NHLRC2: variants seen among roughly 807,000 people sequenced by gnomAD.
The protein encoded by NHLRC2 is NHL repeat containing 2.
NHLRC2 carries 33 observed loss-of-function variants against 68.1 expected under a neutral mutation model. That is an observed-to-expected ratio of 0.48 (90% CI 0.37 to 0.65). The LOEUF (loss-of-function observed/expected upper bound fraction) is 0.65. Among genes scored for constraint, NHLRC2 ranks in the 30% least tolerant of loss-of-function variants. NHLRC2 has a pLI of 0.00. For missense variants in NHLRC2, 761 were observed against 853.8 expected (o/e 0.89, Z 1.35); for synonymous variants, 311 against 309.6 (o/e 1.00, Z -0.05).
chr10:113,897,307 G>A (rs1173010058), intron 5 of NHLRC2, among the ~76,000 whole-genome samples: 2 of 152,086 alleles, frequency 1.3e-5, no homozygotes, highest in Non-Finnish European at 2.9e-5. Flanking sequence ...TGATCTGTTG[G>A]TAATACATGC....
Position 113,854,855 on chromosome 10 carries a change from C to T in NHLRC2, c.-18C>T. On this transcript the variant is annotated 5_prime_UTR_variant, in exon 1 of 11. Transcript: ENST00000369301. Reference sequence around the variant, plus strand: ...TCTCCCGCGGGCCCGGCGGCCGCATCGGGAGCCCGGCGGAAACATGGCGGC... The same window carrying T: ...TCTCCCGCGGGCCCGGCGGCCGCATTGGGAGCCCGGCGGAAACATGGCGGC... 1.3e-6 allele frequency: 2 copies of T among 1,536,198 alleles called. No homozygotes were observed. Among genetic ancestry groups the T allele is most frequent in the Non-Finnish European group, 8.8e-7 (1 of 1,141,362 alleles).
At position 113,892,746 on chromosome 10, in the gene NHLRC2, C is replaced by T. The variant is rs180714596; in HGVS notation, c.1040-5364C>T. 5.9e-5 allele frequency among the ~76,000 whole-genome samples: 9 copies of T among 151,932 alleles called. No homozygotes were observed. The South Asian group carries it at 1.3e-3, about 21-fold the overall frequency. On this transcript the variant is annotated intron_variant, in intron 5 of 10. Coordinates refer to ENST00000369301, the MANE Select transcript of NHLRC2 (RefSeq NM_198514.4). ...AGTGGTCTAGCACGGTGGCTGTGAG[C>T]AAGGACTCTGGAGCCAGACCAGCTA... is the stretch of plus-strand genomic sequence containing the variant.
At chr10:113,881,798 G>A (rs1408912633) in intron 4 of NHLRC2, among the ~76,000 whole-genome samples, 3 of 151,582 alleles carry the variant, frequency 2.0e-5, no homozygotes, top group Non-Finnish European at 3.0e-5. Context: ...GTAACCATAC[G>A]TTGTTTTTAA....
chr10:113,879,970 T>C (rs1396159789), intron 4 of NHLRC2, among the ~76,000 whole-genome samples: 1 of 152,090 alleles, frequency 6.6e-6, no homozygotes, highest in Admixed American at 6.6e-5. Context: ...CATTTTGAAG[T>C]ATCTTCCTAA....
At chr10:113,873,998 T>A (rs1005382151) in intron 2 of NHLRC2, among the ~76,000 whole-genome samples, 5 of 152,352 alleles carry the variant, frequency 3.3e-5, no homozygotes, top group African/African-American at 9.6e-5. Context: ...AGCCCATTGG[T>A]ACTTATTCAT....
intron 5 of NHLRC2, among the ~76,000 whole-genome samples, chr10:113,885,879 C>G (rs1846077992): frequency 1.3e-5 from 2 of 151,724 alleles, no homozygotes; most frequent in Non-Finnish European, 3.0e-5. Flanking sequence ...ACTAGTGGTT[C>G]CTTATGGGAA....
rs1219786756 is a variant in NHLRC2, at chr10:113,879,067, G to A, written c.788-507G>A. On this transcript the variant is annotated intron_variant, in intron 3 of 10. Coordinates refer to ENST00000369301, the MANE Select transcript of NHLRC2 (RefSeq NM_198514.4). The stretch of plus-strand genomic sequence containing the variant: ...TCTCTTACAGTGTGTATGATATATC[G>A]CAGGACTTTCTGACAAAGTGAAATA... 3.9e-5 allele frequency among the ~76,000 whole-genome samples: 6 copies of A among 152,116 alleles called. No individual in the cohort carries two copies. The East Asian group carries it at 9.6e-4, about 24-fold the overall frequency.
chr10:113,901,171 CA>C (rs1846224872), intron 6 of NHLRC2, among the ~76,000 whole-genome samples: 1 of 152,058 alleles, frequency 6.6e-6, no homozygotes, highest in African/African-American at 2.4e-5. Context: ...GGCCAACTTT[CA>C]AAAACTATTC....
rs1311718315 is a variant in NHLRC2 at position 113,915,389 on chromosome 10, A to T, written c.*6853A>T. ...TGAATTCCTTCCTCTTTAAGCAGCA[A>T]CTTACCACAGGCTTGGTGGCTTTAA... On this transcript the variant is annotated 3_prime_UTR_variant, in exon 11 of 11. Coordinates refer to ENST00000369301, the MANE Select transcript of NHLRC2 (RefSeq NM_198514.4). 2.4e-5 allele frequency: 9 copies of T among 371,664 alleles called. No individual in the cohort carries two copies. Among genetic ancestry groups the T allele is most frequent in the Non-Finnish European group, 4.2e-5 (8 of 188,586 alleles). The allele number at this position is 371,664 out of a possible 1,614,324, so 23.0% of individuals were successfully genotyped here.
At chr10:113,904,417 A>C (rs571514052) in intron 9 of NHLRC2, among the ~76,000 whole-genome samples, 1 of 152,322 alleles carries the variant, frequency 6.6e-6, no homozygotes, top group East Asian at 1.9e-4. Context: ...ATAGATTACT[A>C]TTGCAACATA....
chr10:113,870,106 A>G (rs535987226), intron 2 of NHLRC2, among the ~76,000 whole-genome samples: 1 of 152,266 alleles, frequency 6.6e-6, no homozygotes, highest in African/African-American at 2.4e-5. Context: ...TTTCTCAAAT[A>G]ATTCAGAAAT....
chr10:113,914,838 T>C lies in NHLRC2; in HGVS notation c.*6302T>C, dbSNP rs1365450706. 1 of 357,526 alleles carries C rather than the reference T, an allele frequency of 2.8e-6. No homozygotes were observed. Among genetic ancestry groups the C allele is most frequent in the Non-Finnish European group, 5.5e-6 (1 of 182,170 alleles). 22.1% of individuals were successfully genotyped at this position (357,526 alleles called of 1,614,324 possible). A position where few individuals can be genotyped will look rare whatever the true frequency, so the allele number is the denominator to read the frequency against. On this transcript the variant is annotated 3_prime_UTR_variant, in exon 11 of 11. Coordinates refer to ENST00000369301, the MANE Select transcript of NHLRC2 (RefSeq NM_198514.4). ...TTTTTCCCATGTCTTTGCAATAGGA[T>C]AATATAAAGAATAGTATTAAAAGTC...
intron 2 of NHLRC2, among the ~76,000 whole-genome samples, chr10:113,865,286 C>A (rs535794624): frequency 1.2e-3 from 169 of 139,328 alleles, no homozygotes; most frequent in Middle Eastern, 7.0e-3. Flanking sequence ...TTTCATCCCC[C>A]CCCCCCGTTC....
intron 2 of NHLRC2, among the ~76,000 whole-genome samples, chr10:113,871,324 C>T (rs909379683): frequency 4.7e-4 from 72 of 152,182 alleles, no homozygotes; most frequent in African/African-American, 1.6e-3. Flanking sequence ...GCACCTGGCC[C>T]TGAATCTTTT....
Position 113,876,952 on chromosome 10 carries a change from G to A in NHLRC2, c.763G>A (p.Gly255Arg). 5 of 1,597,346 alleles carry A rather than the reference G, an allele frequency of 3.1e-6. No individual in the cohort carries two copies. Among genetic ancestry groups the A allele is most frequent in the Non-Finnish European group, 4.3e-6 (5 of 1,173,730 alleles). Residue 255 changes from glycine to arginine, a missense_variant, in exon 3 of 11, where the codon GGA (glycine) becomes AGA (arginine). By Grantham distance (125) the Gly-to-Arg change is moderately radical (BLOSUM62 -2). Coordinates refer to ENST00000369301, the MANE Select transcript of NHLRC2 (RefSeq NM_198514.4). Reference protein sequence around the residue: ...HHRILVVWKNGQIQYSIGGPN... With the variant: ...HHRILVVWKNRQIQYSIGGPN... ...TAGAATTTTGGTCGTTTGGAAGAAT[G>A]GACAAATTCAATATAGCATTGGAGG...
intron 2 of NHLRC2, among the ~76,000 whole-genome samples, chr10:113,873,495 A>G (rs1845948755): frequency 6.6e-6 from 1 of 152,142 alleles, no homozygotes; most frequent in African/African-American, 2.4e-5. Flanking sequence ...CTACATGGCT[A>G]ACTAGTATAT....
chr10:113,854,839 G>A lies in NHLRC2; in HGVS notation c.-34G>A. 1 of 1,522,266 alleles carries A rather than the reference G, an allele frequency of 6.6e-7. No homozygotes were observed. The highest frequency in any genetic ancestry group is 8.8e-7 in the Non-Finnish European group (1 of 1,134,758). 94.3% of individuals were successfully genotyped at this position (1,522,266 alleles called of 1,614,324 possible). A position where few individuals can be genotyped will look rare whatever the true frequency, so the allele number is the denominator to read the frequency against. On this transcript the variant is annotated 5_prime_UTR_variant, in exon 1 of 11. Transcript: ENST00000369301. ...TCTCTCCCAGCGAGACTCTCCCGCG[G>A]GCCCGGCGGCCGCATCGGGAGCCCG... is the stretch of plus-strand genomic sequence containing the variant.
intron 5 of NHLRC2, among the ~76,000 whole-genome samples, chr10:113,885,808 G>A (rs974831450): frequency 1.3e-5 from 2 of 151,922 alleles, no homozygotes; most frequent in African/African-American, 4.8e-5. Context: ...CAAGCATTGG[G>A]AGATCCATTC....
chr10:113,896,030 G>GGATGTGGA (rs1452357641), intron 5 of NHLRC2, among the ~76,000 whole-genome samples: 2 of 152,174 alleles, frequency 1.3e-5, no homozygotes, highest in African/African-American at 4.8e-5. Context: ...GTGCTGGAGA[G>GGATGTGGA]GATGTGGAGA....
Sources: gnomAD v4.1 joint callset for allele counts (sites outside exome capture counted in the v4.1 genomes callset) on GRCh38, gnomAD v4.1.1 for gene constraint, MANE v1.5 for transcripts, NCBI Gene and HGNC (gene_info 2026-07-23, HGNC 2026-07-21) for gene names.